ETV6: variants seen among roughly 807,000 people sequenced by gnomAD.
The protein encoded by ETV6 is ETS variant transcription factor 6.
Under a neutral mutation model 51.1 loss-of-function variants are expected in ETV6, and 16 were observed. The observed-to-expected ratio is 0.31, with a 90% confidence interval of 0.21 to 0.48. The LOEUF is 0.48. Among genes scored for constraint, ETV6 ranks in the 20% least tolerant of loss-of-function variants. ETV6 has a pLI of 0.99. For synonymous variants in ETV6, 240 were observed against 224.1 expected (o/e 1.07, Z -0.64); for missense variants, 458 against 594.8 (o/e 0.77, Z 2.39).
chr12:11,667,003 A>T (rs1864207410), intron 1 of ETV6, among the ~76,000 whole-genome samples: 1 of 152,178 alleles, frequency 6.6e-6, no homozygotes, highest in African/African-American at 2.4e-5. Context: ...ACGGGTGCTG[A>T]TCTGGACCAC....
chr12:11,723,555 T>G (rs140770527), intron 1 of ETV6, among the ~76,000 whole-genome samples: 73 of 151,944 alleles, frequency 4.8e-4, no homozygotes, highest in African/African-American at 1.7e-3. Context: ...TCAGGACTGT[T>G]CACCTGTTCT....
chr12:11,802,118 G>C (rs1049747358), intron 2 of ETV6, among the ~76,000 whole-genome samples: 2 of 152,182 alleles, frequency 1.3e-5, no homozygotes, highest in Admixed American at 1.3e-4. Context: ...GCCACTGCCG[G>C]GGGCTGATAA....
intron 1 of ETV6, among the ~76,000 whole-genome samples, chr12:11,707,928 T>C (rs1865103108): frequency 1.3e-5 from 2 of 152,274 alleles, no homozygotes; most frequent in Admixed American, 6.5e-5. Flanking sequence ...TCCTATCTTA[T>C]GGCAGTAAAG....
At chr12:11,874,902 C>A (rs376615835) in intron 5 of ETV6, among the ~76,000 whole-genome samples, 2 of 99,372 alleles carry the variant, frequency 2.0e-5, no homozygotes, top group African/African-American at 4.2e-5. Context: ...GTTATGGGGT[C>A]GGGGGAGGGG....
At chr12:11,768,569 C>T (rs1159316579) in intron 2 of ETV6, among the ~76,000 whole-genome samples, 1 of 152,170 alleles carries the variant, frequency 6.6e-6, no homozygotes, top group Non-Finnish European at 1.5e-5. Context: ...GTTAAATTGA[C>T]CTTATGCTTA....
intron 4 of ETV6, among the ~76,000 whole-genome samples, chr12:11,865,694 GGT>G (rs896107651): frequency 4.1e-5 from 6 of 147,488 alleles, no homozygotes; most frequent in Non-Finnish European, 6.0e-5. Flanking sequence ...TAGTATATAT[GGT>G]GTGTGTGTAT....
intron 1 of ETV6, among the ~76,000 whole-genome samples, chr12:11,652,379 G>A (rs150301045): frequency 6.6e-5 from 10 of 152,300 alleles, no homozygotes; most frequent in African/African-American, 1.4e-4. Context: ...TGTGTGCTGC[G>A]TTTCATTTAG....
chr12:11,656,200 A>G (rs1863996609), intron 1 of ETV6, among the ~76,000 whole-genome samples: 1 of 152,166 alleles, frequency 6.6e-6, no homozygotes, highest in African/African-American at 2.4e-5. Context: ...CATTCTACAA[A>G]TGAGGAAACT....
intron 1 of ETV6, among the ~76,000 whole-genome samples, chr12:11,691,661 A>G (rs1021515868): frequency 3.3e-5 from 5 of 152,200 alleles, no homozygotes; most frequent in African/African-American, 9.6e-5. Flanking sequence ...GTGTATTGCT[A>G]TGCATCACGG....
intron 1 of ETV6, among the ~76,000 whole-genome samples, chr12:11,704,258 TG>T (rs1865033187): frequency 2.6e-5 from 4 of 152,144 alleles, no homozygotes; most frequent in Admixed American, 6.5e-5. Context: ...AGGTGGATCA[TG>T]GGGAGAAGAG....
At chr12:11,717,849 A>G (rs978767669) in intron 1 of ETV6, among the ~76,000 whole-genome samples, 4 of 152,192 alleles carry the variant, frequency 2.6e-5, no homozygotes, top group Non-Finnish European at 5.9e-5. Context: ...GATCAGTGGT[A>G]TCTGACCTCC....
rs1057122431 is a variant in ETV6 at position 11,800,215 on chromosome 12, C to T, written c.164-38925C>T. Among the ~76,000 whole-genome samples, 4 of 152,236 alleles carry T rather than the reference C, an allele frequency of 2.6e-5. No individual in the cohort carries two copies. In the South Asian group the frequency reaches 6.2e-4, roughly 24 times the overall value. On this transcript the variant is annotated intron_variant, in intron 2 of 7. Coordinates refer to ENST00000396373, the MANE Select transcript of ETV6 (RefSeq NM_001987.5). ...TGGAAAAGTAACCTGACCTTCTTAT[C>T]CCACCTCCTATTCATCATCCATCTC... is the stretch of plus-strand genomic sequence containing the variant.
intron 3 of ETV6, among the ~76,000 whole-genome samples, chr12:11,847,280 C>T (rs868293446): frequency 6.6e-6 from 1 of 152,208 alleles, no homozygotes; most frequent in Non-Finnish European, 1.5e-5. Context: ...AACACCATCT[C>T]ATCTGTAGAG....
intron 3 of ETV6, among the ~76,000 whole-genome samples, chr12:11,849,074 T>A (rs994806316): frequency 3.3e-5 from 5 of 152,164 alleles, no homozygotes; most frequent in Non-Finnish European, 7.3e-5. Context: ...ATAACATTTT[T>A]AAATATATTC....
intron 1 of ETV6, among the ~76,000 whole-genome samples, chr12:11,731,600 T>A (rs567068714): frequency 5.9e-5 from 9 of 152,246 alleles, no homozygotes; most frequent in Non-Finnish European, 1.0e-4. Flanking sequence ...CAGAAAAACA[T>A]GGGACGGAAC....
chr12:11,816,171 G>A (rs1308316149), intron 2 of ETV6, among the ~76,000 whole-genome samples: 1 of 152,212 alleles, frequency 6.6e-6, no homozygotes, highest in Non-Finnish European at 1.5e-5. Flanking sequence ...GGGTGAGGTT[G>A]GAAGTTAACC....
chr12:11,671,802 C>G (rs1028615736), intron 1 of ETV6, among the ~76,000 whole-genome samples: 1 of 152,024 alleles, frequency 6.6e-6, no homozygotes, highest in African/African-American at 2.4e-5. Context: ...TTTGACCCAG[C>G]AGTTAGTTTT....
chr12:11,657,034 T>C (rs1864012182), intron 1 of ETV6, among the ~76,000 whole-genome samples: 1 of 152,228 alleles, frequency 6.6e-6, no homozygotes, highest in Non-Finnish European at 1.5e-5. Context: ...TCTAATTTCC[T>C]GGAATGAAGA....
intron 5 of ETV6, among the ~76,000 whole-genome samples, chr12:11,878,514 C>T (rs1429010391): frequency 1.3e-5 from 2 of 152,182 alleles, no homozygotes; most frequent in Admixed American, 6.5e-5. Context: ...CTGTGAGTTT[C>T]GGATACCGGT....
Sources: gnomAD v4.1 joint callset for allele counts (sites outside exome capture counted in the v4.1 genomes callset) on GRCh38, gnomAD v4.1.1 for gene constraint, MANE v1.5 for transcripts, NCBI Gene and HGNC (gene_info 2026-07-23, HGNC 2026-07-21) for gene names.